The following FAT3 variants were observed in gnomAD, a reference collection of about 807,000 sequenced individuals.
FAT3 encodes FAT atypical cadherin 3.
Under a neutral mutation model 310.2 loss-of-function variants are expected in FAT3, and 95 were observed. The observed-to-expected ratio is 0.31, with a 90% CI of 0.26 to 0.36. The LOEUF (loss-of-function observed/expected upper bound fraction) is 0.36. Ranked by LOEUF, FAT3 falls within the 10% of genes least tolerant of loss-of-function variation. The pLI, the probability that FAT3 is intolerant of heterozygous loss-of-function variation, is 1.00. For missense variants in FAT3, 5,408 were observed against 5,715.6 expected, an observed-to-expected ratio of 0.95 and a Z score of 1.74; for synonymous variants, 2,314 against 2,192.9, an observed-to-expected ratio of 1.06 and a Z score of -1.54.
intron 3 of FAT3, among the ~76,000 whole-genome samples, chr11:92,540,377 C>A (rs1471965481): frequency 6.6e-6 from 1 of 152,136 alleles, no homozygotes; most frequent in Non-Finnish European, 1.5e-5. Flanking sequence ...GGATTGATTG[C>A]ACTGGTGAAG....
At chr11:92,804,606 C>A (rs1442689641) in intron 10 of FAT3, among the ~76,000 whole-genome samples, 1 of 152,202 alleles carries the variant, frequency 6.6e-6, no homozygotes, top group Non-Finnish European at 1.5e-5. Context: ...CTCGTTAGGG[C>A]TATTTAACAC....
At chr11:92,419,155 T>C (rs557371243) in intron 2 of FAT3, among the ~76,000 whole-genome samples, 1 of 152,292 alleles carries the variant, frequency 6.6e-6, no homozygotes, top group South Asian at 2.1e-4. Flanking sequence ...TTATTAGTGC[T>C]CCTTTGGAAA....
At chr11:92,289,968 A>AT (rs1946651240) in intron 1 of FAT3, among the ~76,000 whole-genome samples, 1 of 151,852 alleles carries the variant, frequency 6.6e-6, no homozygotes, top group African/African-American at 2.4e-5. Context: ...TTCTGACTTT[A>AT]TTTTTTACCA....
chr11:92,437,532 G>T (rs16917557), intron 2 of FAT3, among the ~76,000 whole-genome samples: 3,756 of 152,216 alleles, frequency 0.025, 173 homozygotes, highest in African/African-American at 0.085. Flanking sequence ...CCAGTGATTA[G>T]TACACTTGAA....
chr11:92,800,797 A>G lies in FAT3; in HGVS notation c.7784A>G (p.Asp2595Gly). 3 of 1,613,918 alleles carry G rather than the reference A, an allele frequency of 1.9e-6. No individual in the cohort carries two copies. The highest frequency in any genetic ancestry group is 1.6e-4 in the Middle Eastern group (1 of 6,062). Residue 2595 changes from aspartate (D) to glycine (G), a missense_variant, in exon 10 of 28, where the codon GAC becomes GGC. Physicochemically the swap from Asp to Gly is moderately conservative, Grantham distance 94. This residue lies in a region of FAT3 where 4,588 missense variants were observed against 4,809.8 expected (regional missense o/e 0.95). Coordinates refer to ENST00000525166, the MANE Select transcript of FAT3 (RefSeq NM_001367949.2). Reference sequence around the variant, plus strand: ...AGAGTGATTGTTGTGGATGAAAATGACAATGCTCCCCAGTTCATGACAGTG... The same window carrying G: ...AGAGTGATTGTTGTGGATGAAAATGGCAATGCTCCCCAGTTCATGACAGTG... ...TVRVIVVDEN[D>G]NAPQFMTVEY...
At chr11:92,271,865 G>C (rs1008594286) in intron 1 of FAT3, among the ~76,000 whole-genome samples, 1 of 152,088 alleles carries the variant, frequency 6.6e-6, no homozygotes, top group African/African-American at 2.4e-5. Flanking sequence ...TGCTGGAAGT[G>C]GATTTACTTT....
intron 4 of FAT3, among the ~76,000 whole-genome samples, chr11:92,700,369 C>G (rs1268173871): frequency 2.0e-5 from 3 of 152,038 alleles, no homozygotes; most frequent in African/African-American, 7.2e-5. Context: ...CAGTGGAAAG[C>G]CTTTAAGCAG....
intron 2 of FAT3, chr11:92,366,667 C>G (rs1949030713): frequency 1.9e-6 from 1 of 534,814 alleles, no homozygotes; most frequent in African/African-American, 1.9e-5. Context: ...CTTCCACATG[C>G]TTGACAATGG....
intron 1 of FAT3, among the ~76,000 whole-genome samples, chr11:92,247,530 C>T (rs1565177517): frequency 6.6e-6 from 1 of 151,966 alleles, no homozygotes. Flanking sequence ...GTAACTTAAA[C>T]TTCTGTGACT....
intron 2 of FAT3, among the ~76,000 whole-genome samples, chr11:92,508,687 G>A (rs980991393): frequency 6.6e-6 from 1 of 151,982 alleles, no homozygotes; most frequent in Admixed American, 6.6e-5. Context: ...TTCACTTTAG[G>A]GAACCTTTTT....
At chr11:92,664,851 C>G (rs1416169073) in intron 3 of FAT3, among the ~76,000 whole-genome samples, 1 of 152,180 alleles carries the variant, frequency 6.6e-6, no homozygotes, top group Non-Finnish European at 1.5e-5. Context: ...TCCTCACTTT[C>G]TATTTAGTGC....
At chr11:92,398,960 G>A (rs866679876) in intron 2 of FAT3, among the ~76,000 whole-genome samples, 5 of 152,146 alleles carry the variant, frequency 3.3e-5, no homozygotes, top group Non-Finnish European at 7.4e-5. Flanking sequence ...AGAAATAAGA[G>A]AAAGTACTTG....
chr11:92,840,627 T>G lies in FAT3; in HGVS notation c.10434T>G (p.Asn3478Lys). The G allele has an allele frequency of 1.9e-6, 3 of 1,612,362 alleles. No individual in the cohort carries two copies. The highest frequency in any genetic ancestry group is 2.5e-6 in the Non-Finnish European group (3 of 1,178,532). The change falls in exon 18 of 28, where the codon AAT (asparagine) becomes AAG (lysine). Residue 3478 changes from asparagine to lysine, a missense_variant. Asn to Lys is a moderately conservative substitution (Grantham distance 94). This residue lies in a region of FAT3 where 4,588 missense variants were observed against 4,809.8 expected (regional missense o/e 0.95). Transcript: ENST00000525166. ...LVVTDRDSFHNGPPFSFSILS... is the reference protein window; with the variant it reads ...LVVTDRDSFHKGPPFSFSILS... Reference sequence around the variant, plus strand: ...TGACAGACAGAGACTCCTTTCACAATGGGCCTCCCTTTTCATTCTCTATTT... The same window carrying G: ...TGACAGACAGAGACTCCTTTCACAAGGGGCCTCCCTTTTCATTCTCTATTT...
chr11:92,552,864 T>C (rs1186784), intron 3 of FAT3, among the ~76,000 whole-genome samples: 61,418 of 151,410 alleles, frequency 0.41, 12,930 homozygotes, highest in Middle Eastern at 0.54. Context: ...GCAGGAGAAT[T>C]GCTTGAACCC....
At chr11:92,549,770 G>A (rs1254910480) in intron 3 of FAT3, among the ~76,000 whole-genome samples, 1 of 152,096 alleles carries the variant, frequency 6.6e-6, no homozygotes, top group Non-Finnish European at 1.5e-5. Flanking sequence ...GTAAATAGAA[G>A]AATCAGGACC....
chr11:92,693,017 A>T (rs1943839955), intron 3 of FAT3, among the ~76,000 whole-genome samples: 1 of 152,160 alleles, frequency 6.6e-6, no homozygotes, highest in Non-Finnish European at 1.5e-5. Flanking sequence ...AACATTTTGA[A>T]TTCTGTTTGG....
chr11:92,402,046 A>G (rs1950026288), intron 2 of FAT3, among the ~76,000 whole-genome samples: 1 of 152,250 alleles, frequency 6.6e-6, no homozygotes, highest in African/African-American at 2.4e-5. Flanking sequence ...ATTATCAAGT[A>G]ATTTAAAATA....
intron 2 of FAT3, among the ~76,000 whole-genome samples, chr11:92,488,461 C>CCCA (rs1440864723): frequency 1.0e-5 from 1 of 98,162 alleles, no homozygotes; most frequent in Non-Finnish European, 2.3e-5. Flanking sequence ...CCCCCCCCCC[C>CCCA]GCCCCCCAAC....
chr11:92,440,031 G>T (rs186417919), intron 2 of FAT3, among the ~76,000 whole-genome samples: 6 of 152,272 alleles, frequency 3.9e-5, no homozygotes, highest in Non-Finnish European at 7.4e-5. Context: ...ATTGGCTAAG[G>T]GTTACTGGTG....
Sources: allele counts gnomAD v4.1 joint callset (sites outside exome capture counted in the v4.1 genomes callset), GRCh38; gene constraint gnomAD v4.1.1; regional missense constraint gnomAD v4.1.1; transcripts MANE v1.5; gene names NCBI Gene and HGNC (gene_info 2026-07-23, HGNC 2026-07-21).